PPOX: variants seen among roughly 807,000 people sequenced by gnomAD.
PPOX encodes variegate porphyria.
PPOX carries 23 observed loss-of-function variants against 54.1 expected under a neutral mutation model. The observed-to-expected ratio is 0.43, with a 90% CI of 0.31 to 0.60. PPOX has a LOEUF of 0.60. PPOX is among the 20% of genes least tolerant of loss of function. The probability of loss-of-function intolerance (pLI) is 0.13; values close to 1 mark genes in which losing one functional copy is unlikely to be tolerated. For synonymous variants in PPOX, 224 were observed against 236.1 expected, an observed-to-expected ratio of 0.95 and a Z score of 0.47; for missense variants, 512 against 601.1, an observed-to-expected ratio of 0.85 and a Z score of 1.55.
rs745331721 is a variant in PPOX, at chr1:161,171,162, G to A, written c.1420G>A (p.Glu474Lys). ...RQAAVSVLGT[E>K]PNS is the part of the protein sequence containing the mutation. ...GGCAGCAGTCAGTGTCCTGGGCACA[G>A]AACCTAACAGCTGATCCCCAACTCT... Residue 474 changes from glutamate to lysine, a missense_variant, in exon 13 of 13, where the codon GAA (glutamate) becomes AAA (lysine). Coordinates refer to ENST00000367999, the MANE Select transcript of PPOX (RefSeq NM_001122764.3). 1.9e-6 allele frequency: 3 copies of A among 1,613,386 alleles called. No individual in the cohort carries two copies. Among genetic ancestry groups the A allele is most frequent in the Non-Finnish European group, 2.5e-6 (3 of 1,180,036 alleles).
At chr1:161,170,588 C>T (rs1363712719) in intron 10 of PPOX, 32 bp from the exon 11 acceptor site, 16 of 1,614,146 alleles carry the variant, frequency 9.9e-6, no homozygotes, top group Middle Eastern at 1.6e-4. Flanking sequence ...GTAGGCAAGG[C>T]CAGACTGATC....
chr1:161,167,051 C>G lies in PPOX; in HGVS notation c.88-49C>G, dbSNP rs760232308. The G allele has an allele frequency of 3.1e-6, 5 of 1,614,004 alleles. No homozygotes were observed. The Admixed American group carries it at 8.3e-5, about 27-fold the overall frequency. ...CTCTTCCCCTCCCCTCCTGACCTCT[C>G]GCCGGCGGCTACAGGCGGTGCTGCA... On this transcript the variant is annotated intron_variant, in intron 2 of 12. Transcript: ENST00000367999.
downstream of PPOX, chr1:161,176,169 A>G: frequency 1.5e-6 from 2 of 1,371,204 alleles, no homozygotes; most frequent in Non-Finnish European, 2.0e-6. Flanking sequence ...CCAGGGGTAA[A>G]GAGGAAAAAG....
chr1:161,176,078 G>A (rs74124651), downstream of PPOX: 984 of 1,612,402 alleles, frequency 6.1e-4, 5 homozygotes, highest in African/African-American at 0.011. Flanking sequence ...GTGAGATCTA[G>A]GGAGGGAGAG....
In PPOX at chr1:161,167,265, T is replaced by A. The variant is rs747796784; in HGVS notation, c.222+31T>A. On this transcript the variant is annotated intron_variant, in intron 3 of 12. Transcript: ENST00000367999. ...AGGCTTGTGGGATGTCTAGGAGAGG[T>A]TGTGGAGGGGGCTTCCATTGGGGAA... 7 of 1,613,572 alleles carry A rather than the reference T, an allele frequency of 4.3e-6. No homozygotes were observed. The African/African-American group carries it at 8.0e-5, about 19-fold the overall frequency.
At chr1:161,177,137 C>T, downstream of PPOX, 1 of 1,456,966 alleles carries the variant, frequency 6.9e-7, no homozygotes, top group Non-Finnish European at 9.2e-7. Context: ...AGAGCAGGGG[C>T]AGAGACAGTC....
rs1558059926 is a variant in PPOX, at chr1:161,176,873, CAG to C, written c.400_401del (p.His135Ter). On this transcript the variant is annotated frameshift_variant, in exon 5 of 5. Coordinates refer to the PPOX transcript ENST00000497522. LOFTEE classifies it low-confidence loss of function (END_TRUNC). ...GACCAAGAACCAGTTGAAGTGGCGACAGAGTCATGACAGGACCGTGGAGTGGC... is the reference window on the plus strand; with the variant it reads ...GACCAAGAACCAGTTGAAGTGGCGACAGTCATGACAGGACCGTGGAGTGGC... 8 of 1,536,010 alleles carry C rather than the reference CAG, an allele frequency of 5.2e-6. No individual in the cohort carries two copies. Among genetic ancestry groups the C allele is most frequent in the South Asian group, 2.4e-5 (2 of 84,048 alleles).
At chr1:161,173,956 C>T (rs373721033), downstream of PPOX, 4 of 1,614,068 alleles carry the variant, frequency 2.5e-6, no homozygotes, top group Non-Finnish European at 3.4e-6. Flanking sequence ...AGGTCCACAT[C>T]GTGCAAGAAC....
At position 161,168,936 on chromosome 1, in the gene PPOX, T is replaced by C. The variant is rs376261630; in HGVS notation, c.617-57T>C. 5.6e-6 allele frequency: 9 copies of C among 1,601,472 alleles called. No homozygotes were observed. The African/African-American group carries it at 1.2e-4, about 21-fold the overall frequency. ...GCCTCGGCCTCCTAAAGTGCTGGGA[T>C]TACAGGTGTGAGCCACTGCATCCAG... On this transcript the variant is annotated intron_variant, in intron 6 of 12. Coordinates refer to ENST00000367999, the MANE Select transcript of PPOX (RefSeq NM_001122764.3).
chr1:161,169,917 C>T lies in PPOX; in HGVS notation c.880C>T (p.Leu294=), dbSNP rs376203948. ...TGCCTGATCTCTAGTGCTCAGTGAGCTGCTCCCTGCTGAGGCTGCCCCTCT... is the reference window on the plus strand; with the variant it reads ...TGCCTGATCTCTAGTGCTCAGTGAGTTGCTCCCTGCTGAGGCTGCCCCTCT... The part of the protein sequence containing the change: ...SAIPASVLSE[L]LPAEAAPLAR... Residue 294 remains leucine (L), a synonymous_variant, in exon 9 of 13, where the codon CTG becomes TTG. Coordinates refer to ENST00000367999, the MANE Select transcript of PPOX (RefSeq NM_001122764.3). 12 of 1,614,120 alleles carry T rather than the reference C, an allele frequency of 7.4e-6. No homozygotes were observed. The highest frequency in any genetic ancestry group is 1.0e-5 in the Non-Finnish European group (12 of 1,180,044).
At chr1:161,176,100 G>C, downstream of PPOX, 3 of 1,609,776 alleles carry the variant, frequency 1.9e-6, no homozygotes, top group Non-Finnish European at 2.5e-6. Context: ...GGAATTCTGG[G>C]GGTAGGCAGG....
At chr1:161,171,720 C>T, downstream of PPOX, 2 of 1,502,838 alleles carry the variant, frequency 1.3e-6, no homozygotes, top group South Asian at 1.2e-5. Context: ...GAGTTCAGTT[C>T]CCTCACATCC....
At chr1:161,172,452 CCAGGA>C (rs759351526), downstream of PPOX, 299 of 823,784 alleles carry the variant, frequency 3.6e-4, no homozygotes, top group Non-Finnish European at 5.4e-4. Context: ...AAAAAAAAGC[CCAGGA>C]CAGAAGTCAA....
intron 9 of PPOX, 165 bp downstream of exon 9, chr1:161,170,189 G>A: frequency 1.0e-6 from 1 of 954,674 alleles, no homozygotes; most frequent in Non-Finnish European, 1.6e-6. Context: ...GCCAGGTGTG[G>A]TGGCTTGCAC....
chr1:161,167,229 C>G lies in PPOX; in HGVS notation c.217C>G (p.Leu73Val), dbSNP rs1244442737. ...GGGAGCCCTAGGGGCCCGGACCTTG[C>G]TCCTGGTGAGAGGCTTGTGGGATGT... ...PAGALGARTL[L>V]LVSELGLDSE... Residue 73 changes from leucine to valine, a missense_variant, in exon 3 of 13, where the codon CTC (leucine) becomes GTC (valine). Physicochemically the swap from Leu to Val is conservative, Grantham distance 32. Transcript: ENST00000367999. 2.5e-5 allele frequency: 40 copies of G among 1,614,042 alleles called. No individual in the cohort carries two copies. Among genetic ancestry groups the G allele is most frequent in the Non-Finnish European group, 3.2e-5 (38 of 1,180,036 alleles).
At position 161,169,043 on chromosome 1, in the gene PPOX, C is replaced by T. The variant is rs141116029; in HGVS notation, c.667C>T (p.Arg223Cys). ...SALIRQALAERWSQWSLRGGL... is the reference protein window; with the variant it reads ...SALIRQALAECWSQWSLRGGL... ...ACTCATTCGCCAGGCCTTGGCTGAG[C>T]GCTGGAGCCAGTGGTCACTTCGTGG... Residue 223 changes from arginine to cysteine, a missense_variant, in exon 7 of 13, where the codon CGC (arginine) becomes TGC (cysteine). Coordinates refer to ENST00000367999, the MANE Select transcript of PPOX (RefSeq NM_001122764.3). 5.0e-6 allele frequency: 8 copies of T among 1,614,080 alleles called. No individual in the cohort carries two copies. Among genetic ancestry groups the T allele is most frequent in the Non-Finnish European group, 6.8e-6 (8 of 1,180,056 alleles).
chr1:161,171,973 A>G (rs1404380783), downstream of PPOX: 1 of 1,614,124 alleles, frequency 6.2e-7, no homozygotes, highest in Admixed American at 1.7e-5. Context: ...GTCAGTCCCA[A>G]TGTCTGCTGT....
downstream of PPOX, chr1:161,171,383 A>C: frequency 1.2e-6 from 1 of 862,934 alleles, no homozygotes; most frequent in Non-Finnish European, 1.8e-6. Flanking sequence ...AGAGGGAGCT[A>C]TTCCAGCATA....
downstream of PPOX, among the ~76,000 whole-genome samples, chr1:161,174,686 G>C (rs1662827322): frequency 6.6e-6 from 1 of 152,174 alleles, no homozygotes; most frequent in Non-Finnish European, 1.5e-5. Context: ...CTTGCTCAGA[G>C]TCATACATGT....
Sources: allele counts gnomAD v4.1 joint callset (sites outside exome capture counted in the v4.1 genomes callset), GRCh38; gene constraint gnomAD v4.1.1; transcripts MANE v1.5; gene names NCBI Gene and HGNC (gene_info 2026-07-23, HGNC 2026-07-21).